PTPRT: variants seen among roughly 807,000 people sequenced by gnomAD.
The protein encoded by PTPRT is protein tyrosine phosphatase receptor type T, also known as receptor-type tyrosine-protein phosphatase T.
Under a neutral mutation model 176.8 loss-of-function variants are expected in PTPRT, and 56 were observed. That is an observed-to-expected ratio of 0.32 (90% CI 0.26 to 0.40). PTPRT has a LOEUF of 0.40. PTPRT is among the 10% of genes least tolerant of loss of function. The pLI is 1.00. For synonymous variants in PTPRT, 783 were observed against 739.0 expected (o/e 1.06, Z -0.96); for missense variants, 1,540 against 1,908.2 (o/e 0.81, Z 3.60).
At chr20:42,114,715 A>C (rs1017168525) in intron 22 of PTPRT, among the ~76,000 whole-genome samples, 6 of 152,190 alleles carry the variant, frequency 3.9e-5, no homozygotes, top group Admixed American at 3.9e-4. Flanking sequence ...GACATTTACA[A>C]ATATTCCTTG....
intron 1 of PTPRT, among the ~76,000 whole-genome samples, chr20:43,025,341 G>C (rs949311173): frequency 2.0e-5 from 3 of 152,196 alleles, no homozygotes; most frequent in African/African-American, 7.2e-5. Flanking sequence ...TATCACAAAA[G>C]TTCAGTAAGT....
intron 1 of PTPRT, among the ~76,000 whole-genome samples, chr20:43,016,552 CTTTTTTTTTTTTT>C (rs11482189): frequency 3.9e-5 from 3 of 76,220 alleles, no homozygotes; most frequent in African/African-American, 2.1e-4. Flanking sequence ...TCTAAGGCCA[CTTTTTTTTTTTTT>C]TTTTTTTTTT....
chr20:42,602,402 T>C (rs1319043888), intron 7 of PTPRT, among the ~76,000 whole-genome samples: 1 of 152,292 alleles, frequency 6.6e-6, no homozygotes, highest in African/African-American at 2.4e-5. Context: ...ACTTGTAGAA[T>C]GGGATAATAA....
At chr20:42,471,073 G>C (rs1371443173) in intron 8 of PTPRT, among the ~76,000 whole-genome samples, 1 of 152,276 alleles carries the variant, frequency 6.6e-6, no homozygotes, top group East Asian at 1.9e-4. Context: ...GATACCTTGA[G>C]CTTGAGATGA....
intron 17 of PTPRT, among the ~76,000 whole-genome samples, chr20:42,151,971 A>G (rs1989153699): frequency 6.6e-6 from 1 of 152,200 alleles, no homozygotes; most frequent in African/African-American, 2.4e-5. Flanking sequence ...TCTGGTCTCT[A>G]TTGTGGTCCA....
intron 1 of PTPRT, among the ~76,000 whole-genome samples, chr20:42,917,437 C>T (rs932939440): frequency 5.3e-5 from 8 of 152,122 alleles, no homozygotes; most frequent in Non-Finnish European, 8.8e-5. Flanking sequence ...ATTGACTTGG[C>T]GATGCGGGCT....
intron 1 of PTPRT, among the ~76,000 whole-genome samples, chr20:43,151,369 T>C: frequency 7.1e-6 from 1 of 141,616 alleles, no homozygotes; most frequent in Non-Finnish European, 1.5e-5. Context: ...ACAGAAAGCT[T>C]CTAATAAAGA....
intron 2 of PTPRT, among the ~76,000 whole-genome samples, chr20:42,866,379 C>T (rs1023702102): frequency 1.3e-5 from 2 of 152,194 alleles, no homozygotes; most frequent in African/African-American, 2.4e-5. Flanking sequence ...TGACTCCACA[C>T]CCAAATCCAG....
At position 42,112,236 on chromosome 20, in the gene PTPRT, C is replaced by A. The variant is rs188315424; in HGVS notation, c.3100-1749G>T. Among the ~76,000 whole-genome samples the A allele has an allele frequency of 2.0e-5, 3 of 152,258 alleles. No homozygotes were observed. In the East Asian group the frequency reaches 5.8e-4, roughly 29 times the overall value. On this transcript the variant is annotated intron_variant, in intron 22 of 30. Coordinates refer to ENST00000373187, the MANE Select transcript of PTPRT (RefSeq NM_007050.6). ...GGTTGCAGAGAGGGCACTATTGGTGCCCACTCAGATCCCCATCACTGGGCC... is the reference window on the plus strand; with the variant it reads ...GGTTGCAGAGAGGGCACTATTGGTGACCACTCAGATCCCCATCACTGGGCC...
intron 1 of PTPRT, among the ~76,000 whole-genome samples, chr20:43,021,405 G>C (rs1030356732): frequency 6.6e-6 from 1 of 152,140 alleles, no homozygotes; most frequent in African/African-American, 2.4e-5. Context: ...TCAAAGGCAA[G>C]AACCTGATAA....
At chr20:43,127,660 A>C (rs1017606906) in intron 1 of PTPRT, among the ~76,000 whole-genome samples, 1 of 152,144 alleles carries the variant, frequency 6.6e-6, no homozygotes, top group Non-Finnish European at 1.5e-5. Flanking sequence ...GCAGCTTCTT[A>C]TGGCCAACCT....
chr20:42,958,009 T>C lies in PTPRT; in HGVS notation c.89-72077A>G, dbSNP rs564132723. 1.4e-4 allele frequency among the ~76,000 whole-genome samples: 21 copies of C among 151,480 alleles called. No homozygotes were observed. The South Asian group carries it at 4.0e-3, about 29-fold the overall frequency. ...GCACTCTTAAATGACACCTCATTTA[T>C]TGCAGTCAGTCAAGCAAGGGACCCA... On this transcript the variant is annotated intron_variant, in intron 1 of 30. Transcript: ENST00000373187.
Position 42,076,413 on chromosome 20 carries a change from G to A in PTPRT, c.*4466C>T, listed in dbSNP as rs114026038. On this transcript the variant is annotated 3_prime_UTR_variant, in exon 31 of 31. Transcript: ENST00000373187. ...TGTCCAGCTTCTCTTTTCCCTTTAG[G>A]GTTTTGTGGGCTCATCCTTCTCCAC... The A allele has an allele frequency of 1.8e-3, 367 of 200,594 alleles. 1 individual carries two copies. Among genetic ancestry groups the A allele is most frequent in the African/African-American group, 8.0e-3 (347 of 43,574 alleles). 12.4% of individuals were successfully genotyped at this position (200,594 alleles called of 1,614,324 possible). A position where few individuals can be genotyped will look rare whatever the true frequency, so the allele number is the denominator to read the frequency against.
chr20:42,711,079 C>T (rs2076137627), intron 6 of PTPRT, among the ~76,000 whole-genome samples: 1 of 152,194 alleles, frequency 6.6e-6, no homozygotes. Flanking sequence ...ACTATTGCAT[C>T]TTTGAAATAA....
intron 1 of PTPRT, among the ~76,000 whole-genome samples, chr20:43,036,862 T>G (rs1306484228): frequency 1.3e-5 from 2 of 152,166 alleles, no homozygotes; most frequent in Non-Finnish European, 2.9e-5. Flanking sequence ...AAAAAAATGG[T>G]CAATCAACTT....
At chr20:42,353,272 G>C (rs976417921) in intron 9 of PTPRT, among the ~76,000 whole-genome samples, 4 of 152,180 alleles carry the variant, frequency 2.6e-5, no homozygotes, top group Non-Finnish European at 5.9e-5. Context: ...ATTCCAGACA[G>C]ATAGCGATTG....
chr20:42,954,215 G>C (rs2146023903), intron 1 of PTPRT, among the ~76,000 whole-genome samples: 1 of 152,264 alleles, frequency 6.6e-6, no homozygotes, highest in Admixed American at 6.5e-5. Flanking sequence ...TTGTATTCCA[G>C]GCTGTTGATG....
At chr20:42,147,107 A>G (rs1274150793) in intron 17 of PTPRT, among the ~76,000 whole-genome samples, 4 of 152,214 alleles carry the variant, frequency 2.6e-5, no homozygotes, top group Admixed American at 2.6e-4. Context: ...CAACTTGGTC[A>G]TAGGCTTCTT....
chr20:42,388,386 C>T (rs565914396), intron 9 of PTPRT, among the ~76,000 whole-genome samples: 10 of 151,982 alleles, frequency 6.6e-5, no homozygotes, highest in Admixed American at 1.3e-4. Flanking sequence ...TCTGACAAAG[C>T]GCTAATATCC....
Sources: gnomAD v4.1 joint callset for allele counts (sites outside exome capture counted in the v4.1 genomes callset) on GRCh38, gnomAD v4.1.1 for gene constraint, MANE v1.5 for transcripts, NCBI Gene and HGNC (gene_info 2026-07-23, HGNC 2026-07-21) for gene names.